GPR155: variants seen among roughly 807,000 people sequenced by gnomAD.
GPR155 encodes the protein lysosomal cholesterol signaling protein.
GPR155 carries 65 observed loss-of-function variants against 93.1 expected under a neutral mutation model. The observed-to-expected ratio is 0.70, with a 90% CI of 0.57 to 0.86. GPR155 has a LOEUF of 0.86. GPR155 is among the 40% of genes least tolerant of loss of function. The pLI is 0.00. For synonymous variants in GPR155, 319 were observed against 360.1 expected, an observed-to-expected ratio of 0.89 and a Z score of 1.29; for missense variants, 838 against 1,034.8, an observed-to-expected ratio of 0.81 and a Z score of 2.61.
rs1408935554 is a variant in GPR155, at chr2:174,435,377, T to G, written c.*739A>C. On this transcript the variant is annotated 3_prime_UTR_variant, in exon 16 of 16. Coordinates refer to ENST00000392552, the MANE Select transcript of GPR155 (RefSeq NM_152529.7). ...CTATTTACATAGCATTTACATTGTA[T>G]TAGGCATTATAAGTATCTAAAGATG... 1.3e-5 allele frequency: 2 copies of G among 152,222 alleles called. No individual in the cohort carries two copies. Among genetic ancestry groups the G allele is most frequent in the Non-Finnish European group, 2.9e-5 (2 of 68,042 alleles). The allele number at this position is 152,222 out of a possible 1,614,324, so 9.4% of individuals were successfully genotyped here. A position where few individuals can be genotyped will look rare whatever the true frequency, so the allele number is the denominator to read the frequency against.
At chr2:174,474,166 A>G (rs1426275536) in intron 2 of GPR155, among the ~76,000 whole-genome samples, 2 of 152,214 alleles carry the variant, frequency 1.3e-5, no homozygotes, top group Middle Eastern at 3.2e-3. Flanking sequence ...AGCAGGTAAC[A>G]GCAGAGAGGA....
rs757159341 is a variant in GPR155, at chr2:174,470,404, T to G, written c.1012A>C (p.Met338Leu). ...TATATACATACAATTTCTACTTCCATGTTGAATTGTGTTGCAAAGATAGCC... is the reference window on the plus strand; with the variant it reads ...TATATACATACAATTTCTACTTCCAGGTTGAATTGTGTTGCAAAGATAGCC... ...GVAIFATQFN[M>L]EVEIITSGMV... Residue 338 changes from methionine to leucine, a missense_variant, in exon 4 of 16, where the codon ATG (methionine) becomes CTG (leucine). Physicochemically the swap from Met to Leu is conservative, Grantham distance 15. Around this residue, in one of 3 missense-constraint regions of GPR155, gnomAD observed 663 missense variants for 790.1 expected, o/e 0.84. Coordinates refer to ENST00000392552, the MANE Select transcript of GPR155 (RefSeq NM_152529.7). 1 of 1,612,302 alleles carries G rather than the reference T, an allele frequency of 6.2e-7. No individual in the cohort carries two copies. The highest frequency in any genetic ancestry group is 8.5e-7 in the Non-Finnish European group (1 of 1,178,704).
intron 14 of GPR155, among the ~76,000 whole-genome samples, chr2:174,441,401 A>AAT (rs945287489): frequency 2.0e-5 from 3 of 151,254 alleles, no homozygotes; most frequent in Non-Finnish European, 3.0e-5. Flanking sequence ...ATCAAATTAA[A>AAT]ATATATATAT....
intron 15 of GPR155, among the ~76,000 whole-genome samples, chr2:174,437,074 C>A (rs1223730589): frequency 6.6e-6 from 1 of 152,144 alleles, no homozygotes; most frequent in African/African-American, 2.4e-5. Flanking sequence ...GAATCTACTT[C>A]TTGAATATTT....
chr2:174,456,307 A>T (rs1687515457), intron 10 of GPR155, among the ~76,000 whole-genome samples: 1 of 141,858 alleles, frequency 7.0e-6, no homozygotes, highest in Admixed American at 7.1e-5. Context: ...CCTAGGTATA[A>T]TTTTTTTTTT....
At chr2:174,479,241 C>A (rs1448243116) in intron 2 of GPR155, among the ~76,000 whole-genome samples, 2 of 152,242 alleles carry the variant, frequency 1.3e-5, no homozygotes, top group East Asian at 3.9e-4. Flanking sequence ...AAGTCTGCCT[C>A]AATATGACAA....
intron 10 of GPR155, among the ~76,000 whole-genome samples, chr2:174,457,154 A>G (rs1283960185): frequency 6.6e-6 from 1 of 152,180 alleles, no homozygotes; most frequent in African/African-American, 2.4e-5. Context: ...TCTACTAAAA[A>G]TACAAAAATT....
chr2:174,482,819 T>C (rs1330164719), intron 1 of GPR155: 1 of 152,234 alleles, frequency 6.6e-6, no homozygotes, highest in Non-Finnish European at 1.5e-5. Context: ...TAACTTTAAC[T>C]TTTCTGTGTC....
In GPR155 at chr2:174,462,461, C is replaced by G. The variant is rs1687726777; in HGVS notation, c.1385-789G>C. ...AAGTAGCTGGGATTACAGGTGTGCA[C>G]CACCATGTCAGGCTAATTTTGTATT... On this transcript the variant is annotated intron_variant, in intron 7 of 15. Transcript: ENST00000392552. Among the ~76,000 whole-genome samples the G allele has an allele frequency of 2.0e-5, 3 of 152,122 alleles. No individual in the cohort carries two copies. The South Asian group carries it at 6.2e-4, about 31-fold the overall frequency.
At chr2:174,484,051 C>T (rs1263837018) in intron 1 of GPR155, among the ~76,000 whole-genome samples, 1 of 152,172 alleles carries the variant, frequency 6.6e-6, no homozygotes, top group Non-Finnish European at 1.5e-5. Context: ...CAGAGATCAC[C>T]AACAACTGAT....
rs571502771 is a variant in GPR155, at chr2:174,436,402, G to A, written c.2327C>T (p.Thr776Ile). The change falls in exon 16 of 16, where the codon ACT becomes ATT. Residue 776 changes from threonine (T) to isoleucine (I), a missense_variant. Around this residue, in one of 3 missense-constraint regions of GPR155, gnomAD observed 146 missense variants for 177.5 expected, o/e 0.82. Coordinates refer to ENST00000392552, the MANE Select transcript of GPR155 (RefSeq NM_152529.7). ...IVKERRCGAK[T>I]SAGTFCGCDL... Reference sequence around the variant, plus strand: ...ACAGCCACAGAAAGTTCCAGCAGAAGTCTTTGCACCACACCTGTGTCAAAG... The same window carrying A: ...ACAGCCACAGAAAGTTCCAGCAGAAATCTTTGCACCACACCTGTGTCAAAG... 1 of 1,614,042 alleles carries A rather than the reference G, an allele frequency of 6.2e-7. No homozygotes were observed. Among genetic ancestry groups the A allele is most frequent in the South Asian group, 1.1e-5 (1 of 91,082 alleles).
chr2:174,482,890 T>G (rs1688368271), intron 1 of GPR155: 2 of 152,244 alleles, frequency 1.3e-5, no homozygotes, highest in South Asian at 4.1e-4. Context: ...GAACTTGCGA[T>G]TATTCCACTG....
rs149905525 is a variant in GPR155 at position 174,453,832 on chromosome 2, G to A, written c.1781C>T (p.Ser594Phe). Residue 594 changes from serine (S) to phenylalanine (F), a missense_variant, in exon 11 of 16, where the codon TCC becomes TTC. By Grantham distance (155) the Ser-to-Phe change is radical (BLOSUM62 -2). Transcript: ENST00000392552. ...TAATTCACCATTTCCCATGGAGCAG[G>A]AGCAGCAACCTATATCAATCAAATA... The part of the protein sequence containing the change: ...TSSIPETSCC[S>F]CSMGNGELHC... 9.3e-6 allele frequency: 15 copies of A among 1,610,118 alleles called. No individual in the cohort carries two copies. The East Asian group carries it at 1.8e-4, about 19-fold the overall frequency.
chr2:174,448,534 T>TTTG (rs1553516115), intron 11 of GPR155, among the ~76,000 whole-genome samples: 7 of 102,072 alleles, frequency 6.9e-5, no homozygotes, highest in African/African-American at 1.2e-4. Context: ...TTTTTTGTTT[T>TTTG]TTTTTTTTTT....
chr2:174,436,220 T>C lies in GPR155; in HGVS notation c.2509A>G (p.Ser837Gly). The change falls in exon 16 of 16, where the codon AGT (serine) becomes GGT (glycine). Residue 837 changes from serine (S) to glycine (G), a missense_variant. Physicochemically the swap from Ser to Gly is moderately conservative, Grantham distance 56. Coordinates refer to ENST00000392552, the MANE Select transcript of GPR155 (RefSeq NM_152529.7). ...EYLFYRFLQKSPEQSPPAINA... is the reference protein window; with the variant it reads ...EYLFYRFLQKGPEQSPPAINA... ...ATAGCAGGAGGACTCTGTTCAGGAC[T>C]CTTTTGAAGAAATCTGTAAAACAAG... The C allele has an allele frequency of 1.2e-6, 2 of 1,613,904 alleles. No individual in the cohort carries two copies. Among genetic ancestry groups the C allele is most frequent in the Non-Finnish European group, 1.7e-6 (2 of 1,179,734 alleles).
chr2:174,447,445 A>G (rs139593913), intron 11 of GPR155, among the ~76,000 whole-genome samples: 10,073 of 146,128 alleles, frequency 0.069, 1,100 homozygotes, highest in African/African-American at 0.23. Context: ...CATTACATAT[A>G]TAATTATATA....
chr2:174,456,750 T>G (rs1401111682), intron 10 of GPR155, among the ~76,000 whole-genome samples: 2 of 152,234 alleles, frequency 1.3e-5, no homozygotes, highest in Non-Finnish European at 2.9e-5. Context: ...ATTTGGTATA[T>G]GCATATCATT....
At chr2:174,467,453 T>C (rs1687872738) in intron 5 of GPR155, among the ~76,000 whole-genome samples, 1 of 152,046 alleles carries the variant, frequency 6.6e-6, no homozygotes, top group Non-Finnish European at 1.5e-5. Context: ...ACCACTGCAC[T>C]CCAGCCTGGG....
intron 11 of GPR155, among the ~76,000 whole-genome samples, chr2:174,448,523 G>GTTTTTTTTTTTTTTTTTTTTTTTTT (rs200365350): frequency 9.7e-6 from 1 of 102,960 alleles, no homozygotes; most frequent in African/African-American, 5.0e-5. Context: ...TTTGTTTTTT[G>GTTTTTTTTTTTTTTTTTTTTTTTTT]TTTTTTGTTT....
Sources: allele counts gnomAD v4.1 joint callset (sites outside exome capture counted in the v4.1 genomes callset), GRCh38; gene constraint gnomAD v4.1.1; regional missense constraint gnomAD v4.1.1; transcripts MANE v1.5; gene names NCBI Gene and HGNC (gene_info 2026-07-23, HGNC 2026-07-21).